Variants in ZC3H4 observed in about 807,000 individuals in gnomAD.
ZC3H4 encodes zinc finger CCCH domain-containing protein 4.
Under a neutral mutation model 108.3 loss-of-function variants are expected in ZC3H4, and 13 were observed. The observed-to-expected ratio is 0.12, with a 90% confidence interval of 0.08 to 0.19. ZC3H4 has a LOEUF of 0.19. ZC3H4 is among the 10% of genes least tolerant of loss of function. ZC3H4 has a pLI of 1.00. For synonymous variants in ZC3H4, 917 were observed against 749.6 expected (o/e 1.22, Z -3.65); for missense variants, 1,734 against 1,838.8 (o/e 0.94, Z 1.04).
At chr19:47,098,133 C>A (rs1431461132) in intron 2 of ZC3H4, among the ~76,000 whole-genome samples, 1 of 152,230 alleles carries the variant, frequency 6.6e-6, no homozygotes, top group Non-Finnish European at 1.5e-5. Flanking sequence ...AAGGAACAGG[C>A]CAACTCCACA....
intron 5 of ZC3H4, among the ~76,000 whole-genome samples, chr19:47,087,949 G>A (rs1205137644): frequency 2.0e-5 from 3 of 151,964 alleles, no homozygotes; most frequent in African/African-American, 4.8e-5. Flanking sequence ...TGAGGCGGGC[G>A]GATCACGAAG....
chr19:47,098,808 A>C (rs546273655), intron 2 of ZC3H4, among the ~76,000 whole-genome samples: 9 of 152,200 alleles, frequency 5.9e-5, no homozygotes, highest in African/African-American at 1.7e-4. Context: ...TCCAAAGTAG[A>C]CATGATATTT....
chr19:47,066,698 G>C lies in ZC3H4; in HGVS notation c.3570C>G (p.Phe1190Leu), dbSNP rs542023224. The change falls in exon 15 of 15, where the codon TTC becomes TTG. Residue 1190 changes from phenylalanine to leucine, a missense_variant. Physicochemically the swap from Phe to Leu is conservative, Grantham distance 22. Around this residue, in one of 9 missense-constraint regions of ZC3H4, gnomAD observed 518 missense variants for 499.6 expected, o/e 1.04. Transcript: ENST00000253048. The part of the protein sequence containing the change: ...SSASKAKEPP[F>L]VRKSALEQPE... ...GCTGTTCCAGGGCAGACTTGCGGAC[G>C]AACGGGGGCTCCTTAGCCTTGGAGG... 1 of 1,609,638 alleles carries C rather than the reference G, an allele frequency of 6.2e-7. No individual in the cohort carries two copies. The highest frequency in any genetic ancestry group is 8.5e-7 in the Non-Finnish European group (1 of 1,178,932).
intron 5 of ZC3H4, among the ~76,000 whole-genome samples, chr19:47,088,651 C>G (rs890105235): frequency 7.2e-5 from 11 of 152,092 alleles, no homozygotes; most frequent in Admixed American, 6.5e-4. Flanking sequence ...GAGCAAGATT[C>G]TGTCTCCCAA....
At chr19:47,092,492 G>A (rs1267265056) in intron 4 of ZC3H4, among the ~76,000 whole-genome samples, 1 of 152,130 alleles carries the variant, frequency 6.6e-6, no homozygotes, top group Non-Finnish European at 1.5e-5. Flanking sequence ...GGGATACCTG[G>A]GACAGCTTTA....
chr19:47,102,093 A>G (rs1396350328), intron 2 of ZC3H4, among the ~76,000 whole-genome samples: 3 of 152,198 alleles, frequency 2.0e-5, no homozygotes, highest in Non-Finnish European at 2.9e-5. Context: ...ATGTGAGGAG[A>G]GGCTGCAAGG....
At chr19:47,105,171 T>A (rs1206576707) in intron 2 of ZC3H4, among the ~76,000 whole-genome samples, 1 of 152,054 alleles carries the variant, frequency 6.6e-6, no homozygotes, top group East Asian at 1.9e-4. Flanking sequence ...AAAATGACAA[T>A]GGCTGCTGTG....
Position 47,090,986 on chromosome 19 carries a change from G to C in ZC3H4, c.493-797C>G, listed in dbSNP as rs543230757. Among the ~76,000 whole-genome samples, 17 of 152,322 alleles carry C rather than the reference G, an allele frequency of 1.1e-4. No individual in the cohort carries two copies. The East Asian group carries it at 3.3e-3, about 29-fold the overall frequency. On this transcript the variant is annotated intron_variant, in intron 4 of 14. Coordinates refer to ENST00000253048, the MANE Select transcript of ZC3H4 (RefSeq NM_015168.2). ...CAGCTCTAAAAAAGAAAGTCAGGGG[G>C]CTGGGCGCGGTGGCTCATGCCTGTA...
In ZC3H4 at chr19:47,067,340, G is replaced by A. The variant is rs760869626; in HGVS notation, c.2928C>T (p.Thr976=). The change falls in exon 15 of 15, where the codon ACC becomes ACT. Residue 976 remains threonine, a synonymous_variant. Coordinates refer to ENST00000253048, the MANE Select transcript of ZC3H4 (RefSeq NM_015168.2). This position sits in a 1 kb window ranked among gnomAD's most constrained non-coding sequence, Gnocchi z 6.4. Reference sequence around the variant, plus strand: ...TCAGGTCCTCGGGATTCCAGAGCACGGTGCGGGCGAAGCTGGGCTTGCTCA... The same window carrying A: ...TCAGGTCCTCGGGATTCCAGAGCACAGTGCGGGCGAAGCTGGGCTTGCTCA... The part of the protein sequence containing the change: ...VTLSKPSFAR[T]VLWNPEDLIP... 7.1e-5 allele frequency: 113 copies of A among 1,602,258 alleles called. 1 individual carries two copies. Among genetic ancestry groups the A allele is most frequent in the Non-Finnish European group, 8.5e-5 (100 of 1,173,396 alleles).
intron 2 of ZC3H4, among the ~76,000 whole-genome samples, chr19:47,105,406 G>C (rs2057956238): frequency 6.6e-6 from 1 of 152,146 alleles, no homozygotes; most frequent in Admixed American, 6.5e-5. Context: ...TTCAAGACCA[G>C]CCTGGCCAAC....
intron 2 of ZC3H4, among the ~76,000 whole-genome samples, chr19:47,105,419 G>A (rs1212479050): frequency 1.3e-5 from 2 of 152,174 alleles, no homozygotes; most frequent in South Asian, 2.1e-4. Context: ...TGGCCAACAC[G>A]GTGAAACCCC....
chr19:47,088,098 G>A (rs1279711294), intron 5 of ZC3H4, among the ~76,000 whole-genome samples: 3 of 150,602 alleles, frequency 2.0e-5, no homozygotes, highest in South Asian at 2.1e-4. Flanking sequence ...GCATGAACCC[G>A]GGAAGCGGAG....
intron 2 of ZC3H4, among the ~76,000 whole-genome samples, chr19:47,108,969 T>C (rs950059245): frequency 1.1e-4 from 16 of 152,206 alleles, no homozygotes; most frequent in African/African-American, 3.9e-4. Context: ...CAGACTTTTT[T>C]TCTACTAGGA....
chr19:47,072,320 C>A lies in ZC3H4; in HGVS notation c.1802+32G>T, dbSNP rs547020332. 1.9e-6 allele frequency: 3 copies of A among 1,602,686 alleles called. No individual in the cohort carries two copies. The highest frequency in any genetic ancestry group is 1.7e-5 in the Admixed American group (1 of 59,238). On this transcript the variant is annotated intron_variant, in intron 12 of 14. Coordinates refer to ENST00000253048, the MANE Select transcript of ZC3H4 (RefSeq NM_015168.2). The surrounding 1 kb of genome is among the most constrained non-coding windows in gnomAD (Gnocchi z 5.6). ...GCCTGGCTGGGCCCAGGACAGCGCC[C>A]ACTGCCTGTCACGGGGGTCCAGGGC...
chr19:47,086,370 A>G lies in ZC3H4; in HGVS notation c.870+14T>C. ...GCCTCACCCCGACGTCCCCAGGGCC[A>G]GAGGAAACCTTACGTCCATCTCTTC... On this transcript the variant is annotated intron_variant, in intron 6 of 14. Transcript: ENST00000253048. 1 of 1,613,180 alleles carries G rather than the reference A, an allele frequency of 6.2e-7. No individual in the cohort carries two copies. Among genetic ancestry groups the G allele is most frequent in the Non-Finnish European group, 8.5e-7 (1 of 1,179,772 alleles).
At chr19:47,086,325 A>G in intron 6 of ZC3H4, 59 bp downstream of exon 6, 1 of 1,603,312 alleles carries the variant, frequency 6.2e-7, no homozygotes, top group African/African-American at 1.3e-5. Flanking sequence ...AGCAGTGCTC[A>G]CGCCCCGGAA....
chr19:47,092,749 G>A (rs150891385), intron 4 of ZC3H4, among the ~76,000 whole-genome samples: 1,604 of 151,838 alleles, frequency 0.011, 21 homozygotes, highest in Non-Finnish European at 0.017. Flanking sequence ...CCAGAGAGGT[G>A]GAAGTTGCAG....
intron 2 of ZC3H4, among the ~76,000 whole-genome samples, chr19:47,107,936 C>T (rs1023670872): frequency 1.3e-5 from 2 of 152,178 alleles, no homozygotes; most frequent in African/African-American, 2.4e-5. Context: ...TTGGCTCCCC[C>T]CAATCAATCT....
chr19:47,102,956 C>T (rs969974796), intron 2 of ZC3H4, among the ~76,000 whole-genome samples: 3 of 152,170 alleles, frequency 2.0e-5, no homozygotes, highest in Non-Finnish European at 2.9e-5. Context: ...AAGCTTCAAA[C>T]AGGCTGACCG....
Sources: gnomAD v4.1 joint callset for allele counts (sites outside exome capture counted in the v4.1 genomes callset) on GRCh38, gnomAD v4.1.1 for gene constraint, gnomAD v4.1.1 regional missense constraint, Gnocchi (gnomAD v3.1) non-coding constraint, MANE v1.5 for transcripts, NCBI Gene and HGNC (gene_info 2026-07-23, HGNC 2026-07-21) for gene names.